DAP: variants seen among roughly 807,000 people sequenced by gnomAD.
DAP encodes death associated protein, also known as death-associated protein 1.
DAP carries 8 observed loss-of-function variants against 13.8 expected under a neutral mutation model. The ratio of observed to expected loss-of-function variants is 0.58; its 90% confidence interval spans 0.34 to 1.05. DAP has a LOEUF of 1.05. DAP is among the 50% of genes least tolerant of loss of function. The pLI, the probability that DAP is intolerant of heterozygous loss-of-function variation, is 0.03. For missense variants in DAP, 106 were observed against 133.2 expected (o/e 0.80, Z 1.01); for synonymous variants, 47 against 47.5 (o/e 0.99, Z 0.04).
At position 10,703,256 on chromosome 5, in the gene DAP, A is replaced by G. The variant is rs373929976; in HGVS notation, c.153-19685T>C. On this transcript the variant is annotated intron_variant, in intron 2 of 3. Coordinates refer to ENST00000230895, the MANE Select transcript of DAP (RefSeq NM_004394.3). ...GTAAGATGTTTTTCCCTTTAGAAAC[A>G]ATATGAATGATGCTTAGGTTCCTAA... Among the ~76,000 whole-genome samples, 13 of 152,212 alleles carry G rather than the reference A, an allele frequency of 8.5e-5. No individual in the cohort carries two copies. The East Asian group carries it at 1.5e-3, about 18-fold the overall frequency.
At chr5:10,714,269 C>T (rs548389192) in intron 2 of DAP, among the ~76,000 whole-genome samples, 11 of 152,296 alleles carry the variant, frequency 7.2e-5, no homozygotes, top group African/African-American at 2.4e-4. Flanking sequence ...GATATTTAGC[C>T]GGCCTTCTCA....
intron 2 of DAP, among the ~76,000 whole-genome samples, chr5:10,698,584 A>G (rs1738489021): frequency 6.6e-6 from 1 of 152,222 alleles, no homozygotes; most frequent in East Asian, 1.9e-4. Flanking sequence ...TTGACTATTC[A>G]TGATGCCCTG....
intron 2 of DAP, among the ~76,000 whole-genome samples, chr5:10,720,260 T>G (rs1331811146): frequency 6.6e-6 from 1 of 152,224 alleles, no homozygotes; most frequent in African/African-American, 2.4e-5. Context: ...CAGTCATACT[T>G]ACATCACTTC....
chr5:10,703,471 G>C (rs1397761507), intron 2 of DAP, among the ~76,000 whole-genome samples: 7 of 152,162 alleles, frequency 4.6e-5, no homozygotes, highest in Non-Finnish European at 7.4e-5. Context: ...TTAAGCTTCG[G>C]AACAACTGTG....
intron 1 of DAP, among the ~76,000 whole-genome samples, chr5:10,760,792 ACGCTTCGCCGCCGCC>A (rs1740323944): frequency 6.6e-6 from 1 of 151,956 alleles, no homozygotes; most frequent in Non-Finnish European, 1.5e-5. Flanking sequence ...TCAGGAAGAA[ACGCTTCGCCGCCGCC>A]GGCAAGCGGG....
chr5:10,725,993 A>G (rs1022646135), intron 2 of DAP, among the ~76,000 whole-genome samples: 1 of 152,242 alleles, frequency 6.6e-6, no homozygotes, highest in Admixed American at 6.5e-5. Context: ...GACTTCCTGA[A>G]TACTGCTGAA....
chr5:10,740,520 GA>G (rs1739729194), intron 2 of DAP, among the ~76,000 whole-genome samples: 1 of 152,054 alleles, frequency 6.6e-6, no homozygotes, highest in Non-Finnish European at 1.5e-5. Flanking sequence ...GAAATAAAGA[GA>G]AAATCTTGAA....
chr5:10,683,295 A>G (rs5745291), intron 3 of DAP: 40,521 of 599,002 alleles, frequency 0.068, 1,954 homozygotes, highest in African/African-American at 0.17. Context: ...TTAAGTCACA[A>G]TGTTGGGTCT....
chr5:10,726,492 A>T (rs1739290660), intron 2 of DAP, among the ~76,000 whole-genome samples: 1 of 152,240 alleles, frequency 6.6e-6, no homozygotes, highest in Non-Finnish European at 1.5e-5. Flanking sequence ...TTCTCAGGTG[A>T]TCTGCAAGTG....
Position 10,684,280 on chromosome 5 carries a change from T to C in DAP, c.153-709A>G, listed in dbSNP as rs537182161. 6.6e-5 allele frequency among the ~76,000 whole-genome samples: 10 copies of C among 152,316 alleles called. No homozygotes were observed. In the East Asian group the frequency reaches 1.9e-3, roughly 29 times the overall value. ...GACTTTCTCACTGCCTCCTCAACCCTAGGCTTCCCCTTCCAGCGTCCTCAC... is the reference window on the plus strand; with the variant it reads ...GACTTTCTCACTGCCTCCTCAACCCCAGGCTTCCCCTTCCAGCGTCCTCAC... On this transcript the variant is annotated intron_variant, in intron 2 of 3. Coordinates refer to ENST00000230895, the MANE Select transcript of DAP (RefSeq NM_004394.3).
chr5:10,733,550 A>G (rs1161872562), intron 2 of DAP, among the ~76,000 whole-genome samples: 1 of 152,180 alleles, frequency 6.6e-6, no homozygotes, highest in Non-Finnish European at 1.5e-5. Context: ...TGCTGATTCT[A>G]TGAGAATCCC....
intron 1 of DAP, among the ~76,000 whole-genome samples, chr5:10,759,868 C>T (rs1406306486): frequency 6.7e-6 from 1 of 148,790 alleles, no homozygotes; most frequent in Non-Finnish European, 1.5e-5. Context: ...CATTCTCCTG[C>T]CTCGGCCTCC....
intron 2 of DAP, among the ~76,000 whole-genome samples, chr5:10,727,198 T>C (rs970738025): frequency 1.3e-5 from 2 of 152,188 alleles, no homozygotes; most frequent in Non-Finnish European, 2.9e-5. Context: ...TGTCTCTCAA[T>C]GTGCCCATGT....
intron 2 of DAP, among the ~76,000 whole-genome samples, chr5:10,700,441 A>T (rs547762112): frequency 6.6e-6 from 1 of 152,184 alleles, no homozygotes. Context: ...GAGGCTCTTT[A>T]TTCTCCTTTT....
rs1030215231 is a variant in DAP, at chr5:10,720,346, G to A, written c.152+27829C>T. Among the ~76,000 whole-genome samples the A allele has an allele frequency of 2.0e-5, 3 of 152,208 alleles. No homozygotes were observed. In the South Asian group the frequency reaches 6.2e-4, roughly 32 times the overall value. On this transcript the variant is annotated intron_variant, in intron 2 of 3. Transcript: ENST00000230895. ...GTCAGAAAGCACCCTGGATGGCTAGGGACTTCAAAGAAGCATGATTGGAAA... is the reference window on the plus strand; with the variant it reads ...GTCAGAAAGCACCCTGGATGGCTAGAGACTTCAAAGAAGCATGATTGGAAA...
At chr5:10,750,395 G>A (rs1313182333) in intron 1 of DAP, among the ~76,000 whole-genome samples, 2 of 152,148 alleles carry the variant, frequency 1.3e-5, no homozygotes, top group African/African-American at 4.8e-5. Context: ...GCAGCTGGCT[G>A]TTAGAAAAGG....
At chr5:10,726,872 C>A (rs1212627286) in intron 2 of DAP, among the ~76,000 whole-genome samples, 1 of 152,168 alleles carries the variant, frequency 6.6e-6, no homozygotes, top group African/African-American at 2.4e-5. Flanking sequence ...CCAGTCCCCA[C>A]AGTGATGTGA....
At chr5:10,692,710 C>T (rs1455634628) in intron 2 of DAP, among the ~76,000 whole-genome samples, 1 of 152,136 alleles carries the variant, frequency 6.6e-6, no homozygotes, top group East Asian at 1.9e-4. Flanking sequence ...CTACTCAGTC[C>T]CCACAGGACA....
intron 2 of DAP, among the ~76,000 whole-genome samples, chr5:10,698,282 CAAAAAAAAA>C (rs71613386): frequency 6.1e-4 from 26 of 42,902 alleles, no homozygotes; most frequent in East Asian, 5.4e-3. Flanking sequence ...CCAGACTTAG[CAAAAAAAAA>C]AAAAAAAAAA....
Sources: gnomAD v4.1 joint callset for allele counts (sites outside exome capture counted in the v4.1 genomes callset) on GRCh38, gnomAD v4.1.1 for gene constraint, MANE v1.5 for transcripts, NCBI Gene and HGNC (gene_info 2026-07-23, HGNC 2026-07-21) for gene names.